SMC4: variants seen among roughly 807,000 people sequenced by gnomAD.
The protein encoded by SMC4 is structural maintenance of chromosomes 4, also known as structural maintenance of chromosomes protein 4.
A neutral mutation model predicts 145.6 loss-of-function variants in SMC4; 87 were observed. That is an observed-to-expected ratio of 0.60 (90% CI 0.50 to 0.71). The LOEUF (loss-of-function observed/expected upper bound fraction) is 0.71, where lower values mean the gene tolerates loss of function less well. Ranked by LOEUF, SMC4 falls within the 30% of genes least tolerant of loss-of-function variation. SMC4 has a pLI of 0.00. For synonymous variants in SMC4, 558 were observed against 500.7 expected, an observed-to-expected ratio of 1.11 and a Z score of -1.53; for missense variants, 1,447 against 1,537.1, an observed-to-expected ratio of 0.94 and a Z score of 0.98.
chr3:160,424,003 T>A (rs566261051), intron 15 of SMC4, among the ~76,000 whole-genome samples, 163 bp downstream of exon 15: 1 of 152,312 alleles, frequency 6.6e-6, no homozygotes, highest in East Asian at 1.9e-4. Flanking sequence ...TAAAGCCCTT[T>A]AAAGTTTTAG....
intron 2 of SMC4, 26 bp downstream of exon 2, chr3:160,400,991 G>T (rs1412626740): frequency 7.3e-7 from 1 of 1,376,954 alleles, no homozygotes; most frequent in Admixed American, 4.0e-5. Context: ...CGACTCGGCG[G>T]GAACGCGCGC....
At position 160,431,049 on chromosome 3, in the gene SMC4, C is replaced by A. The variant is rs780732974; in HGVS notation, c.2958C>A (p.Ile986=). Residue 986 remains isoleucine, a synonymous_variant, in exon 20 of 24, where the codon ATC becomes ATA. Coordinates refer to ENST00000357388, the MANE Select transcript of SMC4 (RefSeq NM_001002800.3). ...GTGTTTAGGAATCCTTACCAGAGAT[C>A]CAGAAAGAACATCGCAATCTGCTTC... ...TNAAEESLPE[I]QKEHRNLLQE... is the part of the protein sequence containing the mutation. 1.3e-6 allele frequency: 2 copies of A among 1,599,410 alleles called. No homozygotes were observed. Among genetic ancestry groups the A allele is most frequent in the Non-Finnish European group, 1.7e-6 (2 of 1,175,980 alleles).
chr3:160,424,912 A>T lies in SMC4; in HGVS notation c.2371A>T (p.Met791Leu). The change falls in exon 16 of 24, where the codon ATG becomes TTG. Residue 791 changes from methionine to leucine, a missense_variant. Coordinates refer to ENST00000357388, the MANE Select transcript of SMC4 (RefSeq NM_001002800.3). Reference protein sequence around the residue: ...SQLQNDSKKAMQIQEQKVQLE... With the variant: ...SQLQNDSKKALQIQEQKVQLE... ...GTTGCAAAACGACTCTAAAAAAGCA[A>T]TGCAAATCCAAGAACAGAAAGTACA... 1 of 1,614,160 alleles carries T rather than the reference A, an allele frequency of 6.2e-7. No homozygotes were observed. Among genetic ancestry groups the T allele is most frequent in the Non-Finnish European group, 8.5e-7 (1 of 1,180,018 alleles).
intron 21 of SMC4, among the ~76,000 whole-genome samples, 171 bp from the exon 22 acceptor site, chr3:160,432,112 G>T (rs573103298): frequency 1.3e-5 from 2 of 152,370 alleles, no homozygotes; most frequent in African/African-American, 4.8e-5. Flanking sequence ...TGAGGCAGGA[G>T]AATCGCTTGA....
intron 11 of SMC4, among the ~76,000 whole-genome samples, chr3:160,418,938 G>A (rs73154591): frequency 0.17 from 26,289 of 151,936 alleles, 2,653 homozygotes; most frequent in Non-Finnish European, 0.23. Context: ...CCCCAGCCCC[G>A]TTCAGCTAAA....
rs192374282 is a variant in SMC4 at position 160,426,525 on chromosome 3, T to G, written c.2605+325T>G. 5.9e-3 allele frequency among the ~76,000 whole-genome samples: 901 copies of G among 152,252 alleles called. 5 individuals are homozygous for G. The highest frequency in any genetic ancestry group is 0.01 in the Non-Finnish European group (706 of 68,018). ...GATAGTGGTTATAGATTTAGAAAAATTATATCACTCAGATAACACAGGGAA... is the reference window on the plus strand; with the variant it reads ...GATAGTGGTTATAGATTTAGAAAAAGTATATCACTCAGATAACACAGGGAA... On this transcript the variant is annotated intron_variant, in intron 17 of 23. Transcript: ENST00000357388.
intron 3 of SMC4, 40 bp from the exon 4 acceptor site, chr3:160,402,636 A>G: frequency 6.3e-7 from 1 of 1,580,490 alleles, no homozygotes; most frequent in Non-Finnish European, 8.6e-7. Flanking sequence ...GCATGACCTT[A>G]TGAACTTTTC....
At chr3:160,403,016 G>T in intron 4 of SMC4, 149 bp downstream of exon 4, 1 of 583,874 alleles carries the variant, frequency 1.7e-6, no homozygotes, top group Non-Finnish European at 2.9e-6. Flanking sequence ...TTATTTTGGG[G>T]GAGTGGTGGT....
chr3:160,412,824 T>A (rs2108468014), intron 7 of SMC4: 5 of 985,518 alleles, frequency 5.1e-6, no homozygotes, highest in Middle Eastern at 5.2e-4. Context: ...AAGTTGACTT[T>A]TTAGTATCCT....
intron 18 of SMC4, 139 bp from the exon 19 acceptor site, chr3:160,430,460 G>A: frequency 1.3e-6 from 1 of 741,112 alleles, no homozygotes; most frequent in Non-Finnish European, 2.1e-6. Context: ...TTTAAGGATG[G>A]TTTAGTAAAT....
chr3:160,401,142 A>G (rs927475686), intron 2 of SMC4, among the ~76,000 whole-genome samples, 177 bp downstream of exon 2: 1 of 151,950 alleles, frequency 6.6e-6, no homozygotes, highest in Non-Finnish European at 1.5e-5. Context: ...TTCCCGTGCA[A>G]TTTTGGTGTA....
chr3:160,430,519 T>C, intron 18 of SMC4, 80 bp from the exon 19 acceptor site: 1 of 1,212,666 alleles, frequency 8.2e-7, no homozygotes, highest in South Asian at 2.0e-5. Context: ...TTAAATTTCA[T>C]GAAAAGTTCT....
At position 160,420,759 on chromosome 3, in the gene SMC4, A is replaced by G; in HGVS notation, c.1877A>G (p.Asp626Gly). Residue 626 changes from aspartate (D) to glycine (G), a missense_variant, in exon 13 of 24, where the codon GAT becomes GGT. Physicochemically the swap from Asp to Gly is moderately conservative, Grantham distance 94. Transcript: ENST00000357388. ...YGRLGDLGAI[D>G]EKYDVAISSC... is the part of the protein sequence containing the mutation. ...TATTAGGGGGACTTAGGAGCCATTG[A>G]TGAAAAATACGACGTGGCTATATCA... The G allele has an allele frequency of 1.2e-6, 2 of 1,613,736 alleles. No individual in the cohort carries two copies. Among genetic ancestry groups the G allele is most frequent in the Non-Finnish European group, 8.5e-7 (1 of 1,179,890 alleles).
rs776255200 is a variant in SMC4 at position 160,431,122 on chromosome 3, G to A, written c.3031G>A (p.Ala1011Thr). The change falls in exon 20 of 24, where the codon GCA (alanine) becomes ACA (threonine). Residue 1011 changes from alanine to threonine, a missense_variant. Transcript: ENST00000357388. ...AAATGAACATGCTCTTCAAAAAGAT[G>A]CACTTAGTATTAAGTTGAAACTTGA... ...QENEHALQKD[A>T]LSIKLKLEQI... 3.7e-6 allele frequency: 6 copies of A among 1,607,224 alleles called. No individual in the cohort carries two copies. The highest frequency in any genetic ancestry group is 5.1e-6 in the Non-Finnish European group (6 of 1,177,950).
Position 160,404,330 on chromosome 3 carries a change from A to AG in SMC4, c.517dup (p.Asp173GlyfsTer2). The AG allele has an allele frequency of 6.3e-7, 1 of 1,599,250 alleles. No homozygotes were observed. Among genetic ancestry groups the AG allele is most frequent in the Non-Finnish European group, 8.5e-7 (1 of 1,176,280 alleles). ...GGTTTTGTTTTTCCTCAAAACAGGA[A>AG]GGGGATGATTATGAAGTCATTCCTA... On this transcript the variant is annotated frameshift_variant, in exon 5 of 24. Coordinates refer to ENST00000357388, the MANE Select transcript of SMC4 (RefSeq NM_001002800.3). LOFTEE classifies it high-confidence loss of function.
At chr3:160,413,110 A>G (rs1716195688) in intron 7 of SMC4, among the ~76,000 whole-genome samples, 2 of 151,770 alleles carry the variant, frequency 1.3e-5, no homozygotes, top group Non-Finnish European at 2.9e-5. Flanking sequence ...AATTATTATT[A>G]TTATTATTGT....
In SMC4 at chr3:160,402,211, C is replaced by T. The variant is rs190518416; in HGVS notation, c.318+118C>T. On this transcript the variant is annotated intron_variant, in intron 3 of 23. Coordinates refer to ENST00000357388, the MANE Select transcript of SMC4 (RefSeq NM_001002800.3). ...TAAAATTCATTCACTCCCTATTTAT[C>T]CTGATAGTCTTTCTGTCTCTCTCTC... 1.3e-3 allele frequency: 752 copies of T among 581,188 alleles called. 6 individuals are homozygous for T. The highest frequency in any genetic ancestry group is 9.4e-5 in the Non-Finnish European group (33 of 350,272). 36.0% of individuals were successfully genotyped at this position (581,188 alleles called of 1,614,324 possible). A position where few individuals can be genotyped will look rare whatever the true frequency, so the allele number is the denominator to read the frequency against.
intron 5 of SMC4, among the ~76,000 whole-genome samples, chr3:160,407,654 T>C (rs1715492205): frequency 6.6e-6 from 1 of 152,196 alleles, no homozygotes; most frequent in Non-Finnish European, 1.5e-5. Flanking sequence ...CTGTTCTTTT[T>C]TCCAATGTAC....
At chr3:160,411,738 CTTAGGAATA>C (rs1196290755) in intron 5 of SMC4, 173 bp from the exon 6 acceptor site, 14 of 478,610 alleles carry the variant, frequency 2.9e-5, no homozygotes, top group Non-Finnish European at 4.4e-5. Context: ...AATTAAAACT[CTTAGGAATA>C]CCAGTGAAAA....
Sources: allele counts gnomAD v4.1 joint callset (sites outside exome capture counted in the v4.1 genomes callset), GRCh38; gene constraint gnomAD v4.1.1; transcripts MANE v1.5; gene names NCBI Gene and HGNC (gene_info 2026-07-23, HGNC 2026-07-21).